The following SFMBT2 variants were observed in gnomAD, a reference collection of about 807,000 sequenced individuals.
SFMBT2 encodes Scm like with four mbt domains 2.
SFMBT2 carries 38 observed loss-of-function variants against 110.1 expected under a neutral mutation model. The ratio of observed to expected loss-of-function variants is 0.35; its 90% CI spans 0.27 to 0.45. The LOEUF is 0.45. Among genes scored for constraint, SFMBT2 ranks in the 20% least tolerant of loss-of-function variants. The probability of loss-of-function intolerance (pLI) is 1.00; values close to 1 mark genes in which losing one functional copy is unlikely to be tolerated. For synonymous variants in SFMBT2, 425 were observed against 425.4 expected, an observed-to-expected ratio of 1.00 and a Z score of 0.01; for missense variants, 1,011 against 1,094.9, an observed-to-expected ratio of 0.92 and a Z score of 1.08.
chr10:7,382,543 C>G (rs1845454295), intron 1 of SFMBT2, among the ~76,000 whole-genome samples: 1 of 152,182 alleles, frequency 6.6e-6, no homozygotes, highest in Admixed American at 6.5e-5. Context: ...ACACATATTT[C>G]ACGAACAGAA....
intron 15 of SFMBT2, among the ~76,000 whole-genome samples, chr10:7,196,494 A>T (rs1838771104): frequency 1.3e-5 from 2 of 152,200 alleles, no homozygotes; most frequent in African/African-American, 4.8e-5. Context: ...CTCCCAGGAC[A>T]CTGTGTTCCT....
chr10:7,188,389 T>C (rs566098951), intron 16 of SFMBT2, among the ~76,000 whole-genome samples: 1 of 152,234 alleles, frequency 6.6e-6, no homozygotes, highest in African/African-American at 2.4e-5. Context: ...ATGTTTAGCA[T>C]AATAAAATAT....
At chr10:7,175,509 T>C (rs956914539) in intron 17 of SFMBT2, among the ~76,000 whole-genome samples, 1 of 152,122 alleles carries the variant, frequency 6.6e-6, no homozygotes, top group Non-Finnish European at 1.5e-5. Flanking sequence ...ATGGCTCTCT[T>C]CAGTGAGGGT....
rs760060335 is a variant in SFMBT2 at position 7,163,864 on chromosome 10, T to C, written c.2591A>G (p.Gln864Arg). 2 of 1,614,116 alleles carry C rather than the reference T, an allele frequency of 1.2e-6. No homozygotes were observed. Among genetic ancestry groups the C allele is most frequent in the Non-Finnish European group, 1.7e-6 (2 of 1,180,030 alleles). Residue 864 changes from glutamine to arginine, a missense_variant, in exon 21 of 21, where the codon CAG (glutamine) becomes CGG (arginine). Physicochemically the swap from Gln to Arg is conservative, Grantham distance 43. Coordinates refer to ENST00000397167, the MANE Select transcript of SFMBT2 (RefSeq NM_001387889.1). This position sits in a 1 kb window ranked among gnomAD's most constrained non-coding sequence, Gnocchi z 4.8. ...ALLLLTLPTV[Q>R]ECMELKLGPA... ...CCCCAGCTTCAGCTCCATGCACTCC[T>C]GCACCGTCGGAAGGGTCAGAAGCAG...
At chr10:7,387,992 C>G (rs1365234687) in intron 1 of SFMBT2, among the ~76,000 whole-genome samples, 1 of 151,350 alleles carries the variant, frequency 6.6e-6, no homozygotes, top group Non-Finnish European at 1.5e-5. Flanking sequence ...GTGGAGGTAC[C>G]AGCAGCAAAC....
intron 4 of SFMBT2, among the ~76,000 whole-genome samples, chr10:7,287,929 C>T (rs1842144934): frequency 6.6e-6 from 1 of 152,114 alleles, no homozygotes; most frequent in Non-Finnish European, 1.5e-5. Context: ...TGATATTTTG[C>T]TTATAAGGGG....
At chr10:7,164,637 G>C (rs1057137706) in intron 20 of SFMBT2, among the ~76,000 whole-genome samples, 4 of 152,004 alleles carry the variant, frequency 2.6e-5, no homozygotes, top group Admixed American at 6.6e-5. Flanking sequence ...TCTACTAAAA[G>C]ACAAGGCTCC....
At chr10:7,341,043 C>T (rs975785131) in intron 4 of SFMBT2, among the ~76,000 whole-genome samples, 1 of 152,124 alleles carries the variant, frequency 6.6e-6, no homozygotes, top group African/African-American at 2.4e-5. Flanking sequence ...TTTTCTGCAG[C>T]GTGAAATGTG....
intron 1 of SFMBT2, among the ~76,000 whole-genome samples, chr10:7,388,065 C>T (rs72775565): frequency 0.025 from 3,877 of 152,072 alleles, 88 homozygotes; most frequent in Non-Finnish European, 0.038. Flanking sequence ...GAGACAGGAA[C>T]GTGGAGCAAG....
intron 7 of SFMBT2, among the ~76,000 whole-genome samples, chr10:7,253,076 T>G (rs1840865082): frequency 6.6e-6 from 1 of 152,176 alleles, no homozygotes; most frequent in Non-Finnish European, 1.5e-5. Context: ...TTCAAGTTGA[T>G]GAACACTTCC....
intron 1 of SFMBT2, among the ~76,000 whole-genome samples, chr10:7,398,171 C>A (rs1358954948): frequency 6.6e-6 from 1 of 152,190 alleles, no homozygotes; most frequent in African/African-American, 2.4e-5. Context: ...ATAATAGGCA[C>A]TCTAGGAGTA....
chr10:7,309,701 G>A (rs1036746123), intron 4 of SFMBT2, among the ~76,000 whole-genome samples: 1 of 152,078 alleles, frequency 6.6e-6, no homozygotes, highest in African/African-American at 2.4e-5. Context: ...TTTTTATAAG[G>A]GAACATATAT....
intron 4 of SFMBT2, among the ~76,000 whole-genome samples, chr10:7,351,679 G>T (rs1337256829): frequency 6.6e-6 from 1 of 152,126 alleles, no homozygotes; most frequent in Non-Finnish European, 1.5e-5. Context: ...AAAATTCTCT[G>T]AGCTCACAGG....
At chr10:7,164,746 A>C (rs1293139841) in intron 20 of SFMBT2, among the ~76,000 whole-genome samples, 2 of 137,740 alleles carry the variant, frequency 1.5e-5, no homozygotes, top group African/African-American at 2.7e-5. Flanking sequence ...CATAAAGGGA[A>C]ACACACACAC....
chr10:7,297,406 G>A (rs1842433056), intron 4 of SFMBT2, among the ~76,000 whole-genome samples: 1 of 152,198 alleles, frequency 6.6e-6, no homozygotes, highest in Admixed American at 6.5e-5. Flanking sequence ...CTACTAGCTG[G>A]ACCACCTGGT....
chr10:7,269,053 A>G (rs1175335608), intron 7 of SFMBT2, among the ~76,000 whole-genome samples: 14 of 152,236 alleles, frequency 9.2e-5, no homozygotes. Flanking sequence ...CTTCAAGAAA[A>G]AAAAAGTCAT....
In SFMBT2 at chr10:7,169,187, A is replaced by G. The variant is rs139952120; in HGVS notation, c.2544+1741T>C. Among the ~76,000 whole-genome samples, 820 of 152,050 alleles carry G rather than the reference A, an allele frequency of 5.4e-3. 6 individuals carry two copies. The highest frequency in any genetic ancestry group is 0.018 in the African/African-American group (748 of 41,470). On this transcript the variant is annotated intron_variant, in intron 20 of 20. Coordinates refer to ENST00000397167, the MANE Select transcript of SFMBT2 (RefSeq NM_001387889.1). ...TGCCACGTTGGCCAGGCTGGTCTCG[A>G]ACTCCTGACCTCAAGTGATCTGCCT... is the stretch of plus-strand genomic sequence containing the variant.
intron 16 of SFMBT2, among the ~76,000 whole-genome samples, chr10:7,179,391 G>GAAAAAAAAAAAAAAA (rs57497418): frequency 1.4e-4 from 10 of 70,298 alleles, no homozygotes; most frequent in African/African-American, 2.6e-4. Flanking sequence ...TTGCATTTTC[G>GAAAAAAAAAAAAAAA]AAAAAAAAAA....
At position 7,170,777 on chromosome 10, in the gene SFMBT2, G is replaced by A. The variant is rs759643418; in HGVS notation, c.2544+151C>T. 31 of 844,026 alleles carry A rather than the reference G, an allele frequency of 3.7e-5. No individual in the cohort carries two copies. Among genetic ancestry groups the A allele is most frequent in the Non-Finnish European group, 5.2e-5 (28 of 538,272 alleles). The allele number at this position is 844,026 out of a possible 1,614,324, so 52.3% of individuals were successfully genotyped here. On this transcript the variant is annotated intron_variant, in intron 20 of 20. Coordinates refer to ENST00000397167, the MANE Select transcript of SFMBT2 (RefSeq NM_001387889.1). The surrounding 1 kb of genome is among the most constrained non-coding windows in gnomAD (Gnocchi z 4.6). ...TCCCTGCCAGGCAGCTCTCAGCAGG[G>A]GCCTTGGAGGGAGAAGGGTCTCGCA...
Sources: allele counts gnomAD v4.1 joint callset (sites outside exome capture counted in the v4.1 genomes callset), GRCh38; gene constraint gnomAD v4.1.1; non-coding constraint Gnocchi (gnomAD v3.1); transcripts MANE v1.5; gene names NCBI Gene and HGNC (gene_info 2026-07-23, HGNC 2026-07-21).